Variants in RTN1 observed in about 807,000 individuals in gnomAD.
RTN1 encodes the protein reticulon-1.
RTN1 carries 25 observed loss-of-function variants against 65.5 expected under a neutral mutation model. The ratio of observed to expected loss-of-function variants is 0.38; its 90% CI spans 0.28 to 0.53. The LOEUF (loss-of-function observed/expected upper bound fraction) is 0.53. Among genes scored for constraint, RTN1 ranks in the 20% least tolerant of loss-of-function variants. RTN1 has a pLI of 0.79. For missense variants in RTN1, 983 were observed against 1,025.4 expected, an observed-to-expected ratio of 0.96 and a Z score of 0.57; for synonymous variants, 471 against 447.6, an observed-to-expected ratio of 1.05 and a Z score of -0.66.
At chr14:59,779,834 G>A (rs1005195376) in intron 1 of RTN1, among the ~76,000 whole-genome samples, 1 of 152,018 alleles carries the variant, frequency 6.6e-6, no homozygotes, top group African/African-American at 2.4e-5. Context: ...ATAACCTCAT[G>A]GCTTTTCTTC....
chr14:59,678,837 C>T (rs907876409), intron 3 of RTN1, among the ~76,000 whole-genome samples: 1 of 152,220 alleles, frequency 6.6e-6, no homozygotes, highest in African/African-American at 2.4e-5. Context: ...AAAAATGCAG[C>T]TTCCTGGGCC....
chr14:59,774,011 T>C lies in RTN1; in HGVS notation c.242-27530A>G, dbSNP rs1334137868. On this transcript the variant is annotated intron_variant, in intron 1 of 8. Transcript: ENST00000267484. This position sits in a 1 kb window ranked among gnomAD's most constrained non-coding sequence, Gnocchi z 5.1. ...GTGATTAGAGTTTATTATTTATCCA[T>C]TATTGAAAAATTAGGATAAAACTGC... Among the ~76,000 whole-genome samples the C allele has an allele frequency of 6.6e-6, 1 of 152,190 alleles. No individual in the cohort carries two copies. Among genetic ancestry groups the C allele is most frequent in the Non-Finnish European group, 1.5e-5 (1 of 68,026 alleles).
At chr14:59,860,411 C>T (rs1190228137) in intron 1 of RTN1, among the ~76,000 whole-genome samples, 1 of 152,212 alleles carries the variant, frequency 6.6e-6, no homozygotes, top group East Asian at 1.9e-4. Context: ...TATGCAAGCA[C>T]CTGGATGTCC....
chr14:59,728,249 CT>C (rs200434592), intron 2 of RTN1, among the ~76,000 whole-genome samples: 411 of 124,062 alleles, frequency 3.3e-3, no homozygotes, highest in Middle Eastern at 0.022. Context: ...GAATCAGTAT[CT>C]TTTTTTTTTT....
chr14:59,750,138 TA>T (rs1417385951), intron 1 of RTN1, among the ~76,000 whole-genome samples: 68 of 79,498 alleles, frequency 8.6e-4, no homozygotes, highest in African/African-American at 3.3e-3. Flanking sequence ...CTATAATATA[TA>T]ATATATATAT....
In RTN1 at chr14:59,745,922, G is replaced by C; in HGVS notation, c.801C>G (p.Leu267=). 1 of 1,614,100 alleles carries C rather than the reference G, an allele frequency of 6.2e-7. No individual in the cohort carries two copies. Among genetic ancestry groups the C allele is most frequent in the Non-Finnish European group, 8.5e-7 (1 of 1,180,018 alleles). ...ESTFAPYIDD[L]SEEQRRAPQI... ...GAGGAGCCCTGCGCTGTTCTTCAGA[G>C]AGATCATCTATGTATGGAGCAAATG... is the stretch of plus-strand genomic sequence containing the variant. Residue 267 remains leucine (L), a synonymous_variant, in exon 2 of 9, where the codon CTC becomes CTG. Transcript: ENST00000267484.
intron 1 of RTN1, among the ~76,000 whole-genome samples, chr14:59,820,897 G>A (rs1303632320): frequency 1.3e-5 from 2 of 152,196 alleles, no homozygotes; most frequent in South Asian, 2.1e-4. Context: ...ATACTATGCT[G>A]TTTTGTTTAC....
chr14:59,646,847 G>A (rs1411961031), intron 3 of RTN1: 5 of 153,170 alleles, frequency 3.3e-5, no homozygotes, highest in African/African-American at 1.2e-4. Flanking sequence ...CAAGTACAGA[G>A]GCCAGTGACA....
At chr14:59,742,357 G>T (rs542246855) in intron 2 of RTN1, among the ~76,000 whole-genome samples, 1 of 152,240 alleles carries the variant, frequency 6.6e-6, no homozygotes, top group Non-Finnish European at 1.5e-5. Context: ...GGTGCTCCTG[G>T]TCAATGTCTG....
At chr14:59,808,647 T>C (rs1295257717) in intron 1 of RTN1, among the ~76,000 whole-genome samples, 9 of 152,168 alleles carry the variant, frequency 5.9e-5, no homozygotes, top group Admixed American at 6.5e-5. Flanking sequence ...CCAAGTCTCA[T>C]GTCAAATTGT....
chr14:59,632,065 C>T (rs1212101024), intron 3 of RTN1, among the ~76,000 whole-genome samples: 1 of 152,166 alleles, frequency 6.6e-6, no homozygotes, highest in Non-Finnish European at 1.5e-5. Flanking sequence ...AGCATATACA[C>T]TTTAAAATAC....
intron 1 of RTN1, among the ~76,000 whole-genome samples, chr14:59,749,467 ATC>A (rs2139518153): frequency 1.1e-5 from 1 of 94,430 alleles, no homozygotes; most frequent in African/African-American, 4.9e-5. Flanking sequence ...TATATATCTA[ATC>A]TATCTATATA....
intron 1 of RTN1, among the ~76,000 whole-genome samples, chr14:59,765,114 T>G (rs192667196): frequency 1.3e-3 from 198 of 151,404 alleles, no homozygotes; most frequent in African/African-American, 4.7e-3. Context: ...TGTGTTAAAC[T>G]GGAAGAATTA....
intron 3 of RTN1, among the ~76,000 whole-genome samples, chr14:59,667,916 A>G (rs1029040253): frequency 1.8e-4 from 27 of 152,220 alleles, no homozygotes; most frequent in Non-Finnish European, 8.8e-5. Flanking sequence ...GGACCTCTTC[A>G]AGGAGAACTA....
intron 3 of RTN1, among the ~76,000 whole-genome samples, chr14:59,698,214 C>T (rs1055025291): frequency 6.6e-6 from 1 of 152,108 alleles, no homozygotes; most frequent in African/African-American, 2.4e-5. Flanking sequence ...TTTTAAAATA[C>T]TGGTTCCCTC....
At chr14:59,696,893 GAA>G (rs369662585) in intron 3 of RTN1, among the ~76,000 whole-genome samples, 1 of 151,322 alleles carries the variant, frequency 6.6e-6, no homozygotes. Flanking sequence ...TCATAGGGGG[GAA>G]AAAAAACAAG....
chr14:59,820,237 GTT>G (rs1005162933), intron 1 of RTN1, among the ~76,000 whole-genome samples: 2 of 141,244 alleles, frequency 1.4e-5, no homozygotes, highest in Admixed American at 7.0e-5. Context: ...TTTTAATGGG[GTT>G]TTTTTTTTTG....
intron 1 of RTN1, among the ~76,000 whole-genome samples, chr14:59,779,586 T>G (rs1201633926): frequency 2.0e-5 from 3 of 151,868 alleles, no homozygotes; most frequent in Non-Finnish European, 4.4e-5. Context: ...TTCCAAGCAG[T>G]AGACAATGGA....
At chr14:59,690,251 A>G (rs183705849) in intron 3 of RTN1, among the ~76,000 whole-genome samples, 10 of 151,386 alleles carry the variant, frequency 6.6e-5, no homozygotes, top group Non-Finnish European at 1.0e-4. Flanking sequence ...ATAGGATCAA[A>G]GGAAAGGGTC....
Sources: allele counts gnomAD v4.1 joint callset (sites outside exome capture counted in the v4.1 genomes callset), GRCh38; gene constraint gnomAD v4.1.1; non-coding constraint Gnocchi (gnomAD v3.1); transcripts MANE v1.5; gene names NCBI Gene and HGNC (gene_info 2026-07-23, HGNC 2026-07-21).